The following DNAH17 variants were observed in gnomAD, a reference collection of about 807,000 sequenced individuals.
The protein encoded by DNAH17 is dynein axonemal heavy chain 17, also known as axonemal beta dynein heavy chain 17.
DNAH17 carries 376 observed loss-of-function variants against 485.6 expected under a neutral mutation model. The observed-to-expected ratio is 0.77, with a 90% CI of 0.71 to 0.84. The LOEUF (loss-of-function observed/expected upper bound fraction) is 0.84. Ranked by LOEUF, DNAH17 falls within the 40% of genes least tolerant of loss-of-function variation. DNAH17 has a pLI of 0.00. For missense variants in DNAH17, 6,370 were observed against 5,839.3 expected, an observed-to-expected ratio of 1.09 and a Z score of -2.96; for synonymous variants, 3,031 against 2,405.9, an observed-to-expected ratio of 1.26 and a Z score of -7.60.
At chr17:78,448,270 A>G (rs2087398487) in intron 69 of DNAH17, among the ~76,000 whole-genome samples, 1 of 152,110 alleles carries the variant, frequency 6.6e-6, no homozygotes, top group Non-Finnish European at 1.5e-5. Context: ...AGGTTGAGGC[A>G]GAAGGATCAC....
intron 11 of DNAH17, among the ~76,000 whole-genome samples, chr17:78,565,928 CAACAAG>C (rs2092257143): frequency 6.6e-6 from 1 of 152,016 alleles, no homozygotes; most frequent in Non-Finnish European, 1.5e-5. Flanking sequence ...CCAGCCTGGG[CAACAAG>C]AACAAGACTC....
intron 34 of DNAH17, 98 bp from the exon 35 acceptor site, chr17:78,501,442 C>A: frequency 1.4e-6 from 2 of 1,410,734 alleles, no homozygotes; most frequent in South Asian, 2.9e-5. Flanking sequence ...CCCCTGCTGC[C>A]CAGGGAACCC....
intron 25 of DNAH17, chr17:78,522,756 C>T (rs2090966030): frequency 4.5e-6 from 1 of 219,860 alleles, no homozygotes. Context: ...AACAATAATG[C>T]CGAAAAAGTG....
In DNAH17 at chr17:78,476,615, G is replaced by C. The variant is rs370200020; in HGVS notation, c.8111C>G (p.Thr2704Arg). ...DKMVDEKDQE[T>R]LHRVTMASTK... The stretch of plus-strand genomic sequence containing the variant: ...GGAGGCCATGGTGACTCTATGCAAT[G>C]TTTCCTGGTCTTTTTCGTCAACCAT... The change falls in exon 52 of 81, where the codon ACA becomes AGA. Residue 2704 changes from threonine to arginine, a missense_variant. Thr to Arg is a moderately conservative substitution (Grantham distance 71). Coordinates refer to ENST00000389840, the MANE Select transcript of DNAH17 (RefSeq NM_173628.4). The C allele has an allele frequency of 6.2e-7, 1 of 1,611,750 alleles. No individual in the cohort carries two copies. The highest frequency in any genetic ancestry group is 1.7e-5 in the Admixed American group (1 of 59,658).
intron 62 of DNAH17, among the ~76,000 whole-genome samples, 173 bp from the exon 63 acceptor site, chr17:78,456,009 A>G (rs1049847238): frequency 6.6e-6 from 1 of 152,174 alleles, no homozygotes; most frequent in African/African-American, 2.4e-5. Flanking sequence ...AGCCCGAATC[A>G]TGCTTTGTGG....
intron 40 of DNAH17, among the ~76,000 whole-genome samples, 187 bp downstream of exon 40, chr17:78,494,406 G>C (rs1263977265): frequency 6.6e-6 from 1 of 151,896 alleles, no homozygotes; most frequent in African/African-American, 2.4e-5. Flanking sequence ...TTGAGAGAGT[G>C]ACCTCCCCCA....
intron 34 of DNAH17, 39 bp from the exon 35 acceptor site, chr17:78,501,383 A>T (rs764901874): frequency 6.4e-7 from 1 of 1,561,802 alleles, no homozygotes; most frequent in Non-Finnish European, 8.7e-7. Context: ...CAGGTGGAAT[A>T]CAAGAGCTAG....
In DNAH17 at chr17:78,468,851, G is replaced by C. The variant is rs369953384; in HGVS notation, c.8544C>G (p.Ala2848=). 1.1e-5 allele frequency: 18 copies of C among 1,613,874 alleles called. No homozygotes were observed. The highest frequency in any genetic ancestry group is 1.5e-5 in the Non-Finnish European group (18 of 1,179,894). Residue 2848 remains alanine (A), a synonymous_variant, in exon 55 of 81, where the codon GCC becomes GCG. Transcript: ENST00000389840. ...IDLAAQYIKA[A]VKNVPSVFLM... is the part of the protein sequence containing the mutation. ...GGAACACCGAGGGAACGTTCTTCAC[G>C]GCAGCCTTTATGTACTGAGCAGCGA...
rs1310578384 is a variant in DNAH17, at chr17:78,529,466, A to G, written c.3507+6T>C. 6.2e-7 allele frequency: 1 copy of G among 1,613,526 alleles called. No individual in the cohort carries two copies. Among genetic ancestry groups the G allele is most frequent in the South Asian group, 1.1e-5 (1 of 91,074 alleles). ...CTGGACGCAGCCACACCCACCCACCACGTACCTGCAGCTTCAAGTGGATCT... is the reference window on the plus strand; with the variant it reads ...CTGGACGCAGCCACACCCACCCACCGCGTACCTGCAGCTTCAAGTGGATCT... On this transcript the variant is annotated splice_donor_region_variant and intron_variant, in intron 22 of 80. Transcript: ENST00000389840.
At chr17:78,428,841 C>A (rs2086573013) in intron 76 of DNAH17, 134 bp from the exon 77 acceptor site, 8 of 1,169,980 alleles carry the variant, frequency 6.8e-6, no homozygotes, top group Non-Finnish European at 8.5e-6. Flanking sequence ...GTTTCCCAGC[C>A]CCCTTTGTGG....
chr17:78,485,712 T>G lies in DNAH17; in HGVS notation c.7321A>C (p.Met2441Leu). The G allele has an allele frequency of 6.2e-7, 1 of 1,613,896 alleles. No homozygotes were observed. Among genetic ancestry groups the G allele is most frequent in the South Asian group, 1.1e-5 (1 of 91,080 alleles). ...CAGGACTTCTCCATGAGCAGGTCCATGAAGTAGCGGATGCGGATGGTTTCC... is the reference window on the plus strand; with the variant it reads ...CAGGACTTCTCCATGAGCAGGTCCAGGAAGTAGCGGATGCGGATGGTTTCC... ...TTETIRIRYF[M>L]DLLMEKSWPV... Residue 2441 changes from methionine to leucine, a missense_variant, in exon 47 of 81, where the codon ATG becomes CTG. Met to Leu is a conservative substitution (Grantham distance 15, BLOSUM62 2). Transcript: ENST00000389840.
chr17:78,434,304 C>A, intron 74 of DNAH17, 84 bp from the exon 75 acceptor site: 1 of 1,379,194 alleles, frequency 7.3e-7, no homozygotes, highest in South Asian at 1.4e-5. Flanking sequence ...AGCGTCCAGC[C>A]CTTGCCAGAT....
intron 62 of DNAH17, among the ~76,000 whole-genome samples, chr17:78,458,269 C>G (rs577049008): frequency 2.6e-5 from 4 of 152,234 alleles, no homozygotes; most frequent in Non-Finnish European, 4.4e-5. Flanking sequence ...CTGGAAGCCA[C>G]GTGGTGGCTG....
chr17:78,499,312 GA>G, intron 36 of DNAH17, 200 bp from the exon 37 acceptor site: 1 of 413,220 alleles, frequency 2.4e-6, no homozygotes, highest in Non-Finnish European at 4.3e-6. Context: ...TGGACACGAG[GA>G]AGAGCCATCC....
chr17:78,553,215 ACAGCCTG>A, intron 14 of DNAH17, among the ~76,000 whole-genome samples: 1 of 149,446 alleles, frequency 6.7e-6, no homozygotes, highest in East Asian at 2.0e-4. Context: ...TGCTTCCTGT[ACAGCCTG>A]CAGAGCCATG....
intron 66 of DNAH17, 121 bp from the exon 67 acceptor site, chr17:78,450,967 C>T: frequency 7.7e-7 from 1 of 1,303,516 alleles, no homozygotes; most frequent in Non-Finnish European, 1.1e-6. Context: ...GGAACGAGCT[C>T]AGGTCCTGGA....
In DNAH17 at chr17:78,501,168, C is replaced by G; in HGVS notation, c.5483+16G>C. 1 of 1,562,622 alleles carries G rather than the reference C, an allele frequency of 6.4e-7. No individual in the cohort carries two copies. Among genetic ancestry groups the G allele is most frequent in the South Asian group, 1.2e-5 (1 of 83,522 alleles). On this transcript the variant is annotated intron_variant, in intron 35 of 80. Coordinates refer to ENST00000389840, the MANE Select transcript of DNAH17 (RefSeq NM_173628.4). ...CCACCAAGAGCACATGTGAGTTACT[C>G]AGGGACGGGCCTCACCTGTCAGTGA...
At chr17:78,511,678 G>A (rs1206538768) in intron 26 of DNAH17, among the ~76,000 whole-genome samples, 1 of 152,194 alleles carries the variant, frequency 6.6e-6, no homozygotes, top group African/African-American at 2.4e-5. Context: ...AGATGTTTCT[G>A]AGCATTGATT....
At chr17:78,424,812 C>G (rs2086353407) in intron 80 of DNAH17, 1 of 155,086 alleles carries the variant, frequency 6.4e-6, no homozygotes, top group East Asian at 1.9e-4. Context: ...AGATGGCCGG[C>G]CTCGGTGTCC....
Sources: allele counts gnomAD v4.1 joint callset (sites outside exome capture counted in the v4.1 genomes callset), GRCh38; gene constraint gnomAD v4.1.1; transcripts MANE v1.5; gene names NCBI Gene and HGNC (gene_info 2026-07-23, HGNC 2026-07-21).